DIS3L2: variants seen among roughly 807,000 people sequenced by gnomAD.
The protein encoded by DIS3L2 is DIS3 like 3'-5' exoribonuclease 2.
In DIS3L2, 34 loss-of-function variants were observed where a neutral mutation model predicts 97.5. The ratio of observed to expected loss-of-function variants is 0.35; its 90% confidence interval spans 0.27 to 0.46. DIS3L2 has a LOEUF of 0.46. Ranked by LOEUF, DIS3L2 falls within the 20% of genes least tolerant of loss-of-function variation. DIS3L2 has a pLI of 1.00. For synonymous variants in DIS3L2, 435 were observed against 445.2 expected (o/e 0.98, Z 0.29); for missense variants, 1,038 against 1,146.0 (o/e 0.91, Z 1.36).
intron 6 of DIS3L2, among the ~76,000 whole-genome samples, chr2:232,107,550 T>C (rs1244727572): frequency 6.6e-6 from 1 of 151,952 alleles, no homozygotes; most frequent in Non-Finnish European, 1.5e-5. Flanking sequence ...AATACAAAAA[T>C]TAGCTGGGCA....
chr2:232,148,907 C>T (rs147078078), intron 8 of DIS3L2, among the ~76,000 whole-genome samples: 16 of 148,020 alleles, frequency 1.1e-4, no homozygotes, highest in Admixed American at 3.4e-4. Flanking sequence ...GTTTCTGAGT[C>T]AGTGCTGACT....
At chr2:232,243,495 T>C (rs1016322369) in intron 11 of DIS3L2, among the ~76,000 whole-genome samples, 3 of 152,042 alleles carry the variant, frequency 2.0e-5, no homozygotes, top group African/African-American at 7.2e-5. Flanking sequence ...ACCTGGGCCC[T>C]TTCCCCCAGT....
intron 1 of DIS3L2, among the ~76,000 whole-genome samples, chr2:231,994,130 G>A (rs1226930406): frequency 3.0e-5 from 4 of 131,828 alleles, no homozygotes; most frequent in Non-Finnish European, 4.9e-5. Flanking sequence ...AGCACTATTT[G>A]TTGAAAAGGC....
intron 10 of DIS3L2, among the ~76,000 whole-genome samples, chr2:232,211,735 C>T (rs1425487436): frequency 6.6e-6 from 1 of 152,180 alleles, no homozygotes; most frequent in Non-Finnish European, 1.5e-5. Flanking sequence ...AATCTCTTCT[C>T]TACTATAATA....
intron 1 of DIS3L2, among the ~76,000 whole-genome samples, chr2:232,001,120 G>T (rs773416494): frequency 2.6e-5 from 4 of 152,030 alleles, no homozygotes; most frequent in Non-Finnish European, 5.9e-5. Flanking sequence ...AATTTTTTGA[G>T]AAACCTCCAA....
At chr2:232,094,580 T>C (rs919456770) in intron 6 of DIS3L2, among the ~76,000 whole-genome samples, 11 of 151,782 alleles carry the variant, frequency 7.2e-5, no homozygotes, top group African/African-American at 2.7e-4. Flanking sequence ...TAGCCAGTCA[T>C]GGTGGTGCGC....
At chr2:232,001,715 CTTTTT>C (rs36048859) in intron 1 of DIS3L2, among the ~76,000 whole-genome samples, 3 of 60,042 alleles carry the variant, frequency 5.0e-5, no homozygotes, top group South Asian at 6.6e-4. Flanking sequence ...ATCTTTAATT[CTTTTT>C]TTTTTTTTTT....
At chr2:232,298,298 ATAACT>A (rs1267157115) in intron 13 of DIS3L2, among the ~76,000 whole-genome samples, 5 of 152,258 alleles carry the variant, frequency 3.3e-5, no homozygotes, top group African/African-American at 1.2e-4. Flanking sequence ...CTATAAATTC[ATAACT>A]TAAATCACTG....
At chr2:232,001,557 C>CTTTTTTTGTT (rs1693904458) in intron 1 of DIS3L2, among the ~76,000 whole-genome samples, 1 of 61,920 alleles carries the variant, frequency 1.6e-5, no homozygotes, top group Non-Finnish European at 2.8e-5. Context: ...TGCCATTTGT[C>CTTTTTTTGTT]TTTTTTTTTT....
intron 12 of DIS3L2, chr2:232,259,956 G>A (rs1224873660): frequency 1.3e-5 from 2 of 152,322 alleles, no homozygotes; most frequent in East Asian, 3.9e-4. Context: ...TTTGAAAGCA[G>A]TTCTTGACCC....
At chr2:232,038,182 A>C (rs1210104022) in intron 5 of DIS3L2, among the ~76,000 whole-genome samples, 4 of 152,180 alleles carry the variant, frequency 2.6e-5, no homozygotes, top group Admixed American at 1.3e-4. Flanking sequence ...TCTTGAATCT[A>C]GCATAGTGTT....
Position 232,342,280 on chromosome 2 carries a change from CACATATATGCATATATACACATATAT to C in DIS3L2, c.1582-1056_1582-1031del, listed in dbSNP as rs1379348210. On this transcript the variant is annotated intron_variant, in intron 13 of 13. Coordinates refer to the DIS3L2 transcript ENST00000273009. ...ACACACATACACATATACATATATA[CACATATATGCATATATACACATATAT>C]ACATATATACACATAGCTTCAAATT... Among the ~76,000 whole-genome samples the C allele has an allele frequency of 4.0e-5, 6 of 151,842 alleles. No individual in the cohort carries two copies. The East Asian group carries it at 1.2e-3, about 29-fold the overall frequency.
At chr2:232,265,006 G>A (rs1186417737) in intron 13 of DIS3L2, among the ~76,000 whole-genome samples, 1 of 152,198 alleles carries the variant, frequency 6.6e-6, no homozygotes, top group Non-Finnish European at 1.5e-5. Context: ...CAGACATGGT[G>A]GAAGAGAAAC....
At chr2:232,299,812 G>A (rs539186352) in intron 13 of DIS3L2, among the ~76,000 whole-genome samples, 24 of 152,310 alleles carry the variant, frequency 1.6e-4, no homozygotes, top group South Asian at 1.2e-3. Context: ...CTTAATAAAC[G>A]TATTGGTTGC....
chr2:232,015,034 G>GGAAT, intron 2 of DIS3L2, 55 bp downstream of exon 2: 1 of 1,589,466 alleles, frequency 6.3e-7, no homozygotes, highest in Non-Finnish European at 8.6e-7. Flanking sequence ...AAATGAAAGT[G>GGAAT]GAATGGGTGT....
chr2:232,145,889 T>G (rs1483377211), intron 8 of DIS3L2, among the ~76,000 whole-genome samples: 2 of 152,188 alleles, frequency 1.3e-5, no homozygotes, highest in Non-Finnish European at 2.9e-5. Context: ...AAATGTTTAT[T>G]CTTTTTATGG....
intron 12 of DIS3L2, among the ~76,000 whole-genome samples, chr2:232,262,239 A>T (rs897724617): frequency 6.6e-6 from 1 of 152,006 alleles, no homozygotes; most frequent in East Asian, 1.9e-4. Context: ...CAAACGGCCC[A>T]GGCCCACATC....
At chr2:232,112,755 C>T (rs1697577490) in intron 6 of DIS3L2, among the ~76,000 whole-genome samples, 1 of 151,880 alleles carries the variant, frequency 6.6e-6, no homozygotes, top group Non-Finnish European at 1.5e-5. Flanking sequence ...ACAAGAGGAA[C>T]AGATTTGCAG....
At chr2:232,052,624 G>T (rs1695441756) in intron 5 of DIS3L2, among the ~76,000 whole-genome samples, 1 of 152,152 alleles carries the variant, frequency 6.6e-6, no homozygotes, top group African/African-American at 2.4e-5. Context: ...CCATGCAGCT[G>T]CATGCTTACA....
Sources: gnomAD v4.1 joint callset for allele counts (sites outside exome capture counted in the v4.1 genomes callset) on GRCh38, gnomAD v4.1.1 for gene constraint, MANE v1.5 for transcripts, NCBI Gene and HGNC (gene_info 2026-07-23, HGNC 2026-07-21) for gene names.